The following ABCA13 variants were observed in gnomAD, a reference collection of about 807,000 sequenced individuals.
ABCA13 encodes the protein ATP binding cassette subfamily A member 13, also known as ATP-binding cassette sub-family A member 13.
In ABCA13, 476 loss-of-function variants were observed where a neutral mutation model predicts 478.7. The observed-to-expected ratio is 0.99, with a 90% CI of 0.92 to 1.07. The LOEUF (loss-of-function observed/expected upper bound fraction) is 1.07, where lower values mean the gene tolerates loss of function less well. Among genes scored for constraint, ABCA13 ranks in the 50% least tolerant of loss-of-function variants. ABCA13 has a pLI of 0.00. For synonymous variants in ABCA13, 2,252 were observed against 2,158.9 expected (o/e 1.04, Z -1.20); for missense variants, 6,060 against 5,910.6 (o/e 1.03, Z -0.83).
intron 3 of ABCA13, among the ~76,000 whole-genome samples, chr7:48,204,215 A>C (rs1476154353): frequency 1.5e-5 from 2 of 134,158 alleles, no homozygotes; most frequent in Admixed American, 1.5e-4. Context: ...TAGACTTATA[A>C]TTTTTTTTTT....
chr7:48,251,054 A>G (rs1792476954), intron 15 of ABCA13, among the ~76,000 whole-genome samples: 1 of 152,192 alleles, frequency 6.6e-6, no homozygotes, highest in South Asian at 2.1e-4. Flanking sequence ...AGCTCTCAGT[A>G]TCAAATCCAC....
intron 59 of ABCA13, among the ~76,000 whole-genome samples, chr7:48,637,381 CAAAAAAAAAAAAA>C (rs1156643955): frequency 9.9e-5 from 2 of 20,258 alleles, no homozygotes; most frequent in Non-Finnish European, 1.7e-4. Flanking sequence ...GTTCATAAAG[CAAAAAAAAAAAAA>C]AAAAAAAAAA....
intron 1 of ABCA13, among the ~76,000 whole-genome samples, chr7:48,190,797 G>A (rs567967406): frequency 2.1e-3 from 321 of 152,214 alleles, no homozygotes; most frequent in African/African-American, 7.2e-3. Flanking sequence ...ACATATACAT[G>A]TATTTTGTAA....
intron 15 of ABCA13, among the ~76,000 whole-genome samples, chr7:48,255,468 C>T (rs1793242242): frequency 6.6e-6 from 1 of 152,132 alleles, no homozygotes; most frequent in Non-Finnish European, 1.5e-5. Context: ...CCCTCTTTCC[C>T]TAATCTTTAG....
At position 48,392,140 on chromosome 7, in the gene ABCA13, G is replaced by A. The variant is rs868142714; in HGVS notation, c.11873+1G>A. On this transcript the variant is annotated splice_donor_variant, in intron 38 of 61. Transcript: ENST00000435803. LOFTEE classifies it high-confidence loss of function. ...AGGAGCTGCATCAGCAAGTCAATCAGTTAGTAAACAGTTGTCTCTCTGCTC... is the reference window on the plus strand; with the variant it reads ...AGGAGCTGCATCAGCAAGTCAATCAATTAGTAAACAGTTGTCTCTCTGCTC... 1 of 1,613,496 alleles carries A rather than the reference G, an allele frequency of 6.2e-7. No homozygotes were observed. The highest frequency in any genetic ancestry group is 8.5e-7 in the Non-Finnish European group (1 of 1,179,744).
chr7:48,378,068 T>C (rs1350015648), intron 35 of ABCA13, among the ~76,000 whole-genome samples: 3 of 152,206 alleles, frequency 2.0e-5, no homozygotes, highest in Non-Finnish European at 4.4e-5. Context: ...CAGCTGAGAC[T>C]TTCCCTCTGA....
chr7:48,418,516 C>A (rs889550981), intron 41 of ABCA13, among the ~76,000 whole-genome samples: 1 of 152,062 alleles, frequency 6.6e-6, no homozygotes, highest in Non-Finnish European at 1.5e-5. Context: ...GGTCTCTGGC[C>A]CACTTTTTAA....
At chr7:48,336,405 G>A (rs1251083377) in intron 28 of ABCA13, among the ~76,000 whole-genome samples, 1 of 152,194 alleles carries the variant, frequency 6.6e-6, no homozygotes, top group African/African-American at 2.4e-5. Context: ...GGAAGAGGAA[G>A]CTAGACAGGT....
chr7:48,389,383 C>T (rs60339885), intron 37 of ABCA13, among the ~76,000 whole-genome samples, 163 bp downstream of exon 37: 5,639 of 152,200 alleles, frequency 0.037, 164 homozygotes, highest in East Asian at 0.15. Context: ...CATGAGTGCC[C>T]GTGTGAGAGA....
At chr7:48,186,125 A>G (rs1346214188) in intron 1 of ABCA13, among the ~76,000 whole-genome samples, 3 of 151,984 alleles carry the variant, frequency 2.0e-5, no homozygotes, top group Non-Finnish European at 2.9e-5. Flanking sequence ...TAAATAGCAT[A>G]TAGCATTTTC....
Position 48,245,948 on chromosome 7 carries a change from G to A in ABCA13, c.1577G>A (p.Gly526Asp). 17 of 1,613,850 alleles carry A rather than the reference G, an allele frequency of 1.1e-5. No individual in the cohort carries two copies. Among genetic ancestry groups the A allele is most frequent in the Non-Finnish European group, 1.4e-5 (17 of 1,179,814 alleles). ...FLPPGNSSIW[G>D]GLQGLLCYCN... ...CCGCCTGGAAACTCCAGCATATGGG[G>A]TGGTCTCCAGGGACTGTTGTGCTAT... The change falls in exon 13 of 62, where the codon GGT becomes GAT. Residue 526 changes from glycine (G) to aspartate (D), a missense_variant. Gly to Asp is a moderately conservative substitution (Grantham distance 94). This residue lies in a region of ABCA13 where 4,423 missense variants were observed against 4,309.1 expected (regional missense o/e 1.03). Transcript: ENST00000435803.
chr7:48,495,490 A>T (rs1830195502), intron 48 of ABCA13, among the ~76,000 whole-genome samples: 2 of 151,942 alleles, frequency 1.3e-5, no homozygotes, highest in African/African-American at 4.8e-5. Flanking sequence ...ATGGGTGATT[A>T]AAAAAAAGTA....
chr7:48,265,634 A>G (rs1794770781), intron 15 of ABCA13, among the ~76,000 whole-genome samples: 1 of 151,634 alleles, frequency 6.6e-6, no homozygotes, highest in South Asian at 2.1e-4. Flanking sequence ...TTCATCTTGT[A>G]TCATGCAAAC....
At chr7:48,236,887 A>G (rs1162451278) in intron 8 of ABCA13, among the ~76,000 whole-genome samples, 1 of 152,194 alleles carries the variant, frequency 6.6e-6, no homozygotes, top group African/African-American at 2.4e-5. Flanking sequence ...CACTGCACAG[A>G]CAAAACCAAT....
intron 39 of ABCA13, among the ~76,000 whole-genome samples, chr7:48,407,525 CAATAAAAATAATACA>C (rs1818421913): frequency 6.6e-6 from 1 of 151,732 alleles, no homozygotes; most frequent in Admixed American, 6.6e-5. Context: ...AATAATACAG[CAATAAAAATAATACA>C]AATAAAAATA....
Position 48,313,256 on chromosome 7 carries a change from G to T in ABCA13, c.9681+25G>T, listed in dbSNP as rs750005253. On this transcript the variant is annotated intron_variant, in intron 25 of 61. Coordinates refer to ENST00000435803, the MANE Select transcript of ABCA13 (RefSeq NM_152701.5). Reference sequence around the variant, plus strand: ...GGTGTGTGTTTCATCTTTGTCCCTAGGGAAATATTCAAATTTGCCCCTTCT... The same window carrying T: ...GGTGTGTGTTTCATCTTTGTCCCTATGGAAATATTCAAATTTGCCCCTTCT... The T allele has an allele frequency of 4.4e-6, 7 of 1,582,592 alleles. No homozygotes were observed. In the South Asian group the frequency reaches 7.0e-5, roughly 16 times the overall value.
At chr7:48,480,076 C>T (rs73694640) in intron 45 of ABCA13, among the ~76,000 whole-genome samples, 9,906 of 152,214 alleles carry the variant, frequency 0.065, 394 homozygotes, top group African/African-American at 0.11. Flanking sequence ...GAGTTTCTTC[C>T]TCAAGAAACT....
chr7:48,605,681 T>C (rs769469667), intron 58 of ABCA13, among the ~76,000 whole-genome samples: 5 of 152,158 alleles, frequency 3.3e-5, no homozygotes, highest in Non-Finnish European at 5.9e-5. Flanking sequence ...AATCTGATGA[T>C]TATGTGTCTT....
chr7:48,361,516 C>G (rs867488059), intron 31 of ABCA13, among the ~76,000 whole-genome samples: 4 of 151,876 alleles, frequency 2.6e-5, no homozygotes, highest in Middle Eastern at 3.4e-3. Context: ...TTTGTCTCAT[C>G]TAACTTTTTC....
Sources: allele counts gnomAD v4.1 joint callset (sites outside exome capture counted in the v4.1 genomes callset), GRCh38; gene constraint gnomAD v4.1.1; regional missense constraint gnomAD v4.1.1; transcripts MANE v1.5; gene names NCBI Gene and HGNC (gene_info 2026-07-23, HGNC 2026-07-21).